The following CFAP47 variants were observed in gnomAD, a reference collection of about 807,000 sequenced individuals.
CFAP47 encodes the protein cilia and flagella associated protein 47, also known as cilia- and flagella-associated protein 47.
A neutral mutation model predicts 148.1 loss-of-function variants in CFAP47; 29 were observed. That is an observed-to-expected ratio of 0.20 (90% CI 0.15 to 0.27). The LOEUF is 0.27. Among genes scored for constraint, CFAP47 ranks in the 10% least tolerant of loss-of-function variants. The pLI, the probability that CFAP47 is intolerant of heterozygous loss-of-function variation, is 1.00. For synonymous variants in CFAP47, 664 were observed against 577.3 expected (o/e 1.15, Z -2.15); for missense variants, 1,872 against 1,697.5 (o/e 1.10, Z -1.81).
chrX:36,379,546 G>A (rs1942058443), intron 63 of CFAP47, 28 bp downstream of exon 63: 1 of 1,056,804 alleles, frequency 9.5e-7, no homozygotes, highest in Non-Finnish European at 1.3e-6. Context: ...AATAGCCAAG[G>A]ATGTTTGATG....
intron 42 of CFAP47, among the ~76,000 whole-genome samples, chrX:36,196,483 T>G (rs1052341508): frequency 9.0e-6 from 1 of 111,237 alleles, no homozygotes; most frequent in African/African-American, 3.3e-5. Context: ...TGCACTTTTT[T>G]GGGGGAAGAT....
intron 8 of CFAP47, among the ~76,000 whole-genome samples, chrX:35,959,574 C>T (rs183777947): frequency 2.5e-4 from 28 of 111,162 alleles, no homozygotes; most frequent in African/African-American, 1.6e-4. Context: ...TTTGGGAGGC[C>T]GAGGCGGCTG....
At chrX:36,202,451 C>T (rs1383055438) in intron 44 of CFAP47, among the ~76,000 whole-genome samples, 1 of 111,654 alleles carries the variant, frequency 9.0e-6, no homozygotes, top group Non-Finnish European at 1.9e-5. Context: ...TCTAAGGCCA[C>T]TCCCTCAGCA....
chrX:36,336,244 GACAC>G (rs781925226), intron 57 of CFAP47, among the ~76,000 whole-genome samples: 13,890 of 65,390 alleles, frequency 0.21, 1,056 homozygotes, highest in Middle Eastern at 0.24. Context: ...CAGACACACA[GACAC>G]ACACACACAC....
At chrX:36,166,600 C>T (rs1939493388) in intron 39 of CFAP47, among the ~76,000 whole-genome samples, 1 of 110,601 alleles carries the variant, frequency 9.0e-6, no homozygotes, top group African/African-American at 3.3e-5. Context: ...AATCTGATAC[C>T]TGGGTTACTC....
chrX:36,355,330 AAG>A (rs1295820877), intron 60 of CFAP47, among the ~76,000 whole-genome samples: 2 of 111,787 alleles, frequency 1.8e-5, no homozygotes, highest in East Asian at 5.6e-4. Context: ...AAAAATTAAA[AAG>A]AGAATTATCA....
chrX:35,966,885 C>A, intron 9 of CFAP47, 131 bp downstream of exon 9: 1 of 370,093 alleles, frequency 2.7e-6, no homozygotes. Context: ...TTCCCAACGA[C>A]CGAGCTGCAA....
intron 52 of CFAP47, 71 bp from the exon 53 acceptor site, chrX:36,301,001 A>T: frequency 1.7e-6 from 1 of 572,919 alleles, no homozygotes; most frequent in Non-Finnish European, 2.9e-6. Context: ...AGTTTGGGGT[A>T]TACTACTTCT....
At chrX:36,157,063 G>T (rs1939376515) in intron 37 of CFAP47, among the ~76,000 whole-genome samples, 1 of 109,445 alleles carries the variant, frequency 9.1e-6, no homozygotes, top group Non-Finnish European at 1.9e-5. Flanking sequence ...TACCAATCGT[G>T]TCATAAACCT....
intron 25 of CFAP47, 144 bp downstream of exon 25, chrX:36,039,323 A>G (rs1052299798): frequency 9.7e-6 from 3 of 308,545 alleles, no homozygotes; most frequent in Non-Finnish European, 1.1e-5. Flanking sequence ...AAAATTTAAC[A>G]AAAAAACCAA....
At chrX:36,199,270 T>C (rs1463672041) in intron 42 of CFAP47, among the ~76,000 whole-genome samples, 1 of 111,982 alleles carries the variant, frequency 8.9e-6, no homozygotes, top group Non-Finnish European at 1.9e-5. Context: ...TCATCCCATA[T>C]TACAGAGGAG....
At chrX:36,077,510 T>C (rs1009690557) in intron 29 of CFAP47, among the ~76,000 whole-genome samples, 1 of 109,087 alleles carries the variant, frequency 9.2e-6, no homozygotes, top group Non-Finnish European at 1.9e-5. Context: ...TATTATTAGG[T>C]ATTTTATTTT....
intron 45 of CFAP47, among the ~76,000 whole-genome samples, chrX:36,213,498 C>T (rs781880381): frequency 8.9e-6 from 1 of 111,894 alleles, no homozygotes; most frequent in South Asian, 3.7e-4. Context: ...GCCCAGATCA[C>T]TTGTGTAGTT....
chrX:35,965,287 T>C (rs1351358715), intron 8 of CFAP47, among the ~76,000 whole-genome samples: 1 of 111,634 alleles, frequency 9.0e-6, no homozygotes, highest in African/African-American at 3.2e-5. Flanking sequence ...TCTCACAGCC[T>C]ATATCAAGAG....
At chrX:35,955,305 C>T (rs1042359024) in intron 7 of CFAP47, among the ~76,000 whole-genome samples, 1 of 111,998 alleles carries the variant, frequency 8.9e-6, no homozygotes, top group Admixed American at 9.5e-5. Context: ...TAGAGTCATC[C>T]TTTATCACTT....
At chrX:36,018,330 C>A (rs910695504) in intron 22 of CFAP47, among the ~76,000 whole-genome samples, 2 of 112,004 alleles carry the variant, frequency 1.8e-5, no homozygotes, top group Non-Finnish European at 3.8e-5. Flanking sequence ...CTCCTCCTTT[C>A]CAATTTGTAT....
At chrX:36,284,756 A>G (rs1556004179) in intron 50 of CFAP47, among the ~76,000 whole-genome samples, 1 of 111,738 alleles carries the variant, frequency 8.9e-6, no homozygotes, top group Non-Finnish European at 1.9e-5. Context: ...TTACCTAAAT[A>G]AGTTAATCTA....
chrX:36,183,417 A>G (rs1939773005), intron 40 of CFAP47, among the ~76,000 whole-genome samples: 1 of 111,715 alleles, frequency 9.0e-6, no homozygotes, highest in African/African-American at 3.3e-5. Context: ...GAAATAAACT[A>G]TTGTGCTAAT....
chrX:36,208,280 T>C (rs1555989028), intron 45 of CFAP47, among the ~76,000 whole-genome samples: 1 of 111,698 alleles, frequency 9.0e-6, no homozygotes, highest in Non-Finnish European at 1.9e-5. Context: ...GTAACGTAAT[T>C]GTAAATATGT....
Sources: gnomAD v4.1 joint callset for allele counts (sites outside exome capture counted in the v4.1 genomes callset) on GRCh38, gnomAD v4.1.1 for gene constraint, MANE v1.5 for transcripts, NCBI Gene and HGNC (gene_info 2026-07-23, HGNC 2026-07-21) for gene names.